Variants in RBPMS observed in about 807,000 individuals in gnomAD.
RBPMS encodes the protein RNA-binding protein with multiple splicing.
RBPMS carries 7 observed loss-of-function variants against 26.8 expected under a neutral mutation model. The ratio of observed to expected loss-of-function variants is 0.26; its 90% CI spans 0.15 to 0.49. RBPMS has a LOEUF of 0.49. RBPMS is among the 20% of genes least tolerant of loss of function. The pLI is 0.98. For missense variants in RBPMS, 186 were observed against 250.0 expected, an observed-to-expected ratio of 0.74 and a Z score of 1.73; for synonymous variants, 96 against 93.3, an observed-to-expected ratio of 1.03 and a Z score of -0.17.
At chr8:30,547,492 TA>T in intron 6 of RBPMS, 1 of 1,546,168 alleles carries the variant, frequency 6.5e-7, no homozygotes, top group Admixed American at 2.2e-5. Flanking sequence ...GAGATTTCAA[TA>T]AAAATTTTAA....
intron 6 of RBPMS, among the ~76,000 whole-genome samples, chr8:30,555,546 T>G (rs968330753): frequency 2.0e-5 from 3 of 152,144 alleles, no homozygotes; most frequent in African/African-American, 7.2e-5. Context: ...TGTGCACATT[T>G]GAGAGAGAGA....
At position 30,474,745 on chromosome 8, in the gene RBPMS, C is replaced by T. The variant is rs1298585992; in HGVS notation, c.67-34C>T. ...GAGAGTTAACTCTCTGGAGTGTCCA[C>T]ACCCTTGATCACTTCCTAAATTTAT... is the stretch of plus-strand genomic sequence containing the variant. On this transcript the variant is annotated intron_variant, in intron 1 of 8. Transcript: ENST00000397323. 16 of 1,307,516 alleles carry T rather than the reference C, an allele frequency of 1.2e-5. 1 individual carries two copies. Among genetic ancestry groups the T allele is most frequent in the South Asian group, 1.2e-4 (10 of 83,516 alleles). 81.0% of individuals were successfully genotyped at this position (1,307,516 alleles called of 1,614,324 possible).
chr8:30,541,317 G>T (rs1167697053), intron 5 of RBPMS, among the ~76,000 whole-genome samples: 1 of 152,190 alleles, frequency 6.6e-6, no homozygotes, highest in Non-Finnish European at 1.5e-5. Context: ...GTTTCAAAGG[G>T]ATTACAGGGT....
intron 5 of RBPMS, among the ~76,000 whole-genome samples, chr8:30,519,811 C>T (rs1034996720): frequency 1.3e-5 from 2 of 151,906 alleles, no homozygotes; most frequent in Non-Finnish European, 2.9e-5. Context: ...CTTTTTTATG[C>T]CATTGGATTA....
chr8:30,413,022 T>A (rs1385450482), intron 1 of RBPMS, among the ~76,000 whole-genome samples: 1 of 152,202 alleles, frequency 6.6e-6, no homozygotes, highest in African/African-American at 2.4e-5. Context: ...CAAGGTGGTG[T>A]CTGGAACACA....
At chr8:30,544,854 C>T in intron 6 of RBPMS, 1 of 1,518,336 alleles carries the variant, frequency 6.6e-7, no homozygotes, top group Non-Finnish European at 8.8e-7. Flanking sequence ...ACACCTCTCT[C>T]TTCCTTAATG....
chr8:30,558,710 G>A (rs1585884835), intron 6 of RBPMS, 177 bp from the exon 7 acceptor site: 6 of 672,326 alleles, frequency 8.9e-6, no homozygotes, highest in East Asian at 2.7e-5. Flanking sequence ...TGTGTGGAAC[G>A]CCTCTCAGGA....
chr8:30,416,327 CTTTGT>C (rs1433286858), intron 1 of RBPMS, among the ~76,000 whole-genome samples: 1 of 151,976 alleles, frequency 6.6e-6, no homozygotes, highest in Non-Finnish European at 1.5e-5. Context: ...TGTTGTTGTC[CTTTGT>C]TTTGTTTTGT....
intron 6 of RBPMS, among the ~76,000 whole-genome samples, chr8:30,557,301 G>A (rs892963792): frequency 1.3e-5 from 2 of 152,192 alleles, no homozygotes; most frequent in South Asian, 2.1e-4. Flanking sequence ...TTCCCAGGCC[G>A]CCTTGTGCTC....
Position 30,555,930 on chromosome 8 carries a change from G to A in RBPMS, c.529-2957G>A. 10 of 985,410 alleles carry A rather than the reference G, an allele frequency of 1.0e-5. No homozygotes were observed. The South Asian group carries it at 2.8e-4, about 28-fold the overall frequency. 61.0% of individuals were successfully genotyped at this position (985,410 alleles called of 1,614,324 possible). ...TTCCCCCCCACCGGGCCGGCTGCCC[G>A]AACTCTGCTGTGCACCATGAGCCCT... On this transcript the variant is annotated intron_variant, in intron 6 of 8. Transcript: ENST00000397323.
chr8:30,459,611 G>A (rs1737440463), intron 1 of RBPMS, among the ~76,000 whole-genome samples: 1 of 152,078 alleles, frequency 6.6e-6, no homozygotes, highest in Admixed American at 6.6e-5. Flanking sequence ...AATGGAACTT[G>A]GAGATCAACC....
chr8:30,558,764 C>T lies in RBPMS; in HGVS notation c.529-123C>T, dbSNP rs541059747. 6 of 816,662 alleles carry T rather than the reference C, an allele frequency of 7.3e-6. No homozygotes were observed. The African/African-American group carries it at 1.0e-4, about 14-fold the overall frequency. 50.6% of individuals were successfully genotyped at this position (816,662 alleles called of 1,614,324 possible). A position where few individuals can be genotyped will look rare whatever the true frequency, so the allele number is the denominator to read the frequency against. On this transcript the variant is annotated intron_variant, in intron 6 of 8. Transcript: ENST00000397323. ...CAGCCCCTTGGGGAAGAGGCCCTCA[C>T]AGGCTAGTGTGAGTGGGTACCATCT...
rs1459439162 is a variant in RBPMS, at chr8:30,432,135, CCAAAAACAA to C, written c.67-42643_67-42635del. Among the ~76,000 whole-genome samples the C allele has an allele frequency of 3.3e-5, 5 of 152,166 alleles. No individual in the cohort carries two copies. In the East Asian group the frequency reaches 9.7e-4, roughly 29 times the overall value. On this transcript the variant is annotated intron_variant, in intron 1 of 8. Transcript: ENST00000397323. ...AGTGAGACCCTGTCTCAAAAAAGAA[CCAAAAACAA>C]ATTTTATTTTGACATTTCAAAGACT...
At chr8:30,393,534 T>C (rs1448745571) in intron 1 of RBPMS, among the ~76,000 whole-genome samples, 3 of 152,064 alleles carry the variant, frequency 2.0e-5, no homozygotes, top group African/African-American at 7.2e-5. Flanking sequence ...CTTTTTTTTT[T>C]TTCTTTGAGA....
Position 30,504,502 on chromosome 8 carries a change from G to A in RBPMS, c.397+66G>A, listed in dbSNP as rs543013418. On this transcript the variant is annotated intron_variant, in intron 5 of 8. Transcript: ENST00000397323. ...AGAACTGTTCATGTGCTGCATGTGA[G>A]GTTACACCATGGGACATGGAGCTGG... 1.0e-5 allele frequency: 15 copies of A among 1,501,738 alleles called. No homozygotes were observed. In the South Asian group the frequency reaches 1.7e-4, roughly 17 times the overall value. The allele number at this position is 1,501,738 out of a possible 1,614,324, so 93.0% of individuals were successfully genotyped here. A position where few individuals can be genotyped will look rare whatever the true frequency, so the allele number is the denominator to read the frequency against.
At position 30,474,094 on chromosome 8, in the gene RBPMS, A is replaced by AAC. The variant is rs369870955; in HGVS notation, c.67-684_67-683insCA. Among the ~76,000 whole-genome samples, 3 of 151,576 alleles carry AAC rather than the reference A, an allele frequency of 2.0e-5. No individual in the cohort carries two copies. In the East Asian group the frequency reaches 5.8e-4, roughly 29 times the overall value. On this transcript the variant is annotated intron_variant, in intron 1 of 8. Coordinates refer to ENST00000397323, the MANE Select transcript of RBPMS (RefSeq NM_001008710.3). ...TGTACCCCAGTACTTAAAATTTAAA[A>AAC]AACAACAACAACAACAAAAATGCAA...
At chr8:30,487,045 A>C (rs1405686922) in intron 4 of RBPMS, among the ~76,000 whole-genome samples, 1 of 152,230 alleles carries the variant, frequency 6.6e-6, no homozygotes, top group African/African-American at 2.4e-5. Context: ...AATAGAAAAT[A>C]TAGTTAGTGT....
chr8:30,453,376 T>G (rs1814826501), intron 1 of RBPMS, among the ~76,000 whole-genome samples: 1 of 152,226 alleles, frequency 6.6e-6, no homozygotes, highest in South Asian at 2.1e-4. Context: ...TTACAACTCT[T>G]TATAAGTAGG....
At chr8:30,531,782 G>A (rs1475835212) in intron 5 of RBPMS, among the ~76,000 whole-genome samples, 1 of 152,142 alleles carries the variant, frequency 6.6e-6, no homozygotes, top group Non-Finnish European at 1.5e-5. Context: ...TTAAATCTTT[G>A]TGATTTTTAG....
Sources: gnomAD v4.1 joint callset for allele counts (sites outside exome capture counted in the v4.1 genomes callset) on GRCh38, gnomAD v4.1.1 for gene constraint, MANE v1.5 for transcripts, NCBI Gene and HGNC (gene_info 2026-07-23, HGNC 2026-07-21) for gene names.